AK9: variants seen among roughly 807,000 people sequenced by gnomAD.
The protein encoded by AK9 is adenylate kinase domain containing 1.
A neutral mutation model predicts 239.6 loss-of-function variants in AK9; 191 were observed. The ratio of observed to expected loss-of-function variants is 0.80; its 90% confidence interval spans 0.71 to 0.90. The LOEUF is 0.90. AK9 is among the 40% of genes least tolerant of loss of function. The pLI is 0.00. For synonymous variants in AK9, 689 were observed against 721.0 expected, an observed-to-expected ratio of 0.96 and a Z score of 0.71; for missense variants, 1,995 against 2,214.7, an observed-to-expected ratio of 0.90 and a Z score of 1.99.
chr6:109,634,426 T>A (rs752153738), intron 10 of AK9, among the ~76,000 whole-genome samples: 1 of 152,190 alleles, frequency 6.6e-6, no homozygotes, highest in African/African-American at 2.4e-5. Flanking sequence ...TCTGCGGTAT[T>A]CTGCTATAGC....
intron 10 of AK9, among the ~76,000 whole-genome samples, chr6:109,640,828 C>A (rs375696943): frequency 1.3e-5 from 2 of 152,184 alleles, no homozygotes; most frequent in South Asian, 2.1e-4. Flanking sequence ...TAATCTGATA[C>A]CCATCACATA....
Position 109,684,729 on chromosome 6 carries a change from C to T in AK9, c.-12+6418G>A, listed in dbSNP as rs545727995. Among the ~76,000 whole-genome samples the T allele has an allele frequency of 5.5e-3, 777 of 140,280 alleles. 4 individuals are homozygous for T. The highest frequency in any genetic ancestry group is 9.0e-3 in the Non-Finnish European group (586 of 65,152). The allele number at this position is 140,280 out of a possible 152,430, so 92.0% of individuals were successfully genotyped here. Reference sequence around the variant, plus strand: ...CTCTACTAAAAATACAAAAAATTAGCCGGGCGTAGTGGCGGGCGCCTGTAG... The same window carrying T: ...CTCTACTAAAAATACAAAAAATTAGTCGGGCGTAGTGGCGGGCGCCTGTAG... On this transcript the variant is annotated intron_variant, in intron 1 of 40. Transcript: ENST00000424296.
At chr6:109,515,025 T>A (rs1779132130) in intron 31 of AK9, among the ~76,000 whole-genome samples, 1 of 152,126 alleles carries the variant, frequency 6.6e-6, no homozygotes, top group African/African-American at 2.4e-5. Flanking sequence ...AGATAGAAGG[T>A]GGCCAACTGC....
chr6:109,541,216 G>A (rs1470804670), intron 27 of AK9, among the ~76,000 whole-genome samples: 1 of 151,808 alleles, frequency 6.6e-6, no homozygotes, highest in Non-Finnish European at 1.5e-5. Flanking sequence ...TCACACTATA[G>A]AAAAATGGAA....
At position 109,614,480 on chromosome 6, in the gene AK9, G is replaced by C; in HGVS notation, c.1400C>G (p.Ala467Gly). 1.3e-6 allele frequency: 2 copies of C among 1,550,646 alleles called. No individual in the cohort carries two copies. Among genetic ancestry groups the C allele is most frequent in the Non-Finnish European group, 1.7e-6 (2 of 1,146,468 alleles). The change falls in exon 14 of 41, where the codon GCT becomes GGT. Residue 467 changes from alanine to glycine, a missense_variant and splice_region_variant. Ala to Gly is a moderately conservative substitution (Grantham distance 60, BLOSUM62 0). Transcript: ENST00000424296. ...LLRELQARKQ[A>G]ETALREFQRQ... Reference sequence around the variant, plus strand: ...TTGAAATTCTCTTAAAGCTGTTTCAGCTGAAATATAACAATGGGTGGTGTT... The same window carrying C: ...TTGAAATTCTCTTAAAGCTGTTTCACCTGAAATATAACAATGGGTGGTGTT...
Position 109,497,925 on chromosome 6 carries a change from G to A in AK9, c.5087C>T (p.Ala1696Val), listed in dbSNP as rs1353784152. Residue 1696 changes from alanine to valine, a missense_variant, in exon 37 of 41, where the codon GCA (alanine) becomes GTA (valine). By Grantham distance (64) the Ala-to-Val change is moderately conservative (BLOSUM62 0). Coordinates refer to ENST00000424296, the MANE Select transcript of AK9 (RefSeq NM_001145128.3). ...GTCAGCAGATGGGAGTGGATGAGGT[G>A]CTAAGGGAGGCACGTACAATTCTGG... is the stretch of plus-strand genomic sequence containing the variant. ...ENPELYVPPL[A>V]PHPLPSADMI... The A allele has an allele frequency of 1.2e-6, 2 of 1,614,108 alleles. No individual in the cohort carries two copies. Among genetic ancestry groups the A allele is most frequent in the Non-Finnish European group, 1.7e-6 (2 of 1,179,986 alleles).
chr6:109,496,839 A>G (rs1777085606), intron 38 of AK9, among the ~76,000 whole-genome samples: 1 of 152,136 alleles, frequency 6.6e-6, no homozygotes, highest in African/African-American at 2.4e-5. Context: ...CTGACCCCAG[A>G]GCAAATTTGA....
intron 16 of AK9, 56 bp downstream of exon 16, chr6:109,611,953 CT>C (rs201663130): frequency 3.4e-6 from 4 of 1,164,690 alleles, no homozygotes; most frequent in African/African-American, 1.7e-5. Context: ...GAGGGAACTA[CT>C]TGTGTTTTTT....
At chr6:109,645,017 T>A (rs762228486) in intron 8 of AK9, among the ~76,000 whole-genome samples, 1 of 152,240 alleles carries the variant, frequency 6.6e-6, no homozygotes, top group Non-Finnish European at 1.5e-5. Context: ...AAGCATCTGA[T>A]TAAACTTTAA....
chr6:109,515,935 T>C lies in AK9; in HGVS notation c.3987A>G (p.Ile1329Met), dbSNP rs1220846031. Residue 1329 changes from isoleucine (I) to methionine (M), a missense_variant, in exon 31 of 41, where the codon ATA (isoleucine) becomes ATG (methionine). Ile to Met is a conservative substitution (Grantham distance 10). Transcript: ENST00000424296. ...GCATTTTCTGGGCAAGGGGTGCTGGTATTGGATGACATTTCTCAAAAATGC... is the reference window on the plus strand; with the variant it reads ...GCATTTTCTGGGCAAGGGGTGCTGGCATTGGATGACATTTCTCAAAAATGC... The part of the protein sequence containing the change: ...RASIFEKCHP[I>M]PAPLAQKMLT... 1.3e-6 allele frequency: 2 copies of C among 1,551,656 alleles called. No homozygotes were observed. Among genetic ancestry groups the C allele is most frequent in the Admixed American group, 2.0e-5 (1 of 50,980 alleles).
intron 17 of AK9, among the ~76,000 whole-genome samples, chr6:109,586,332 C>T (rs748690339): frequency 6.6e-6 from 1 of 152,186 alleles, no homozygotes; most frequent in Admixed American, 6.5e-5. Context: ...AGGAGGATTG[C>T]TTGAGCCCAG....
chr6:109,566,438 A>G (rs973910169), intron 21 of AK9, among the ~76,000 whole-genome samples: 8 of 152,316 alleles, frequency 5.3e-5, no homozygotes, highest in South Asian at 4.1e-4. Context: ...AATTTCTTAT[A>G]TAAAGCAGAG....
intron 1 of AK9, among the ~76,000 whole-genome samples, chr6:109,683,514 C>T (rs1005791523): frequency 1.3e-5 from 2 of 152,138 alleles, no homozygotes; most frequent in African/African-American, 4.8e-5. Context: ...TGTCTCAGCC[C>T]AAAATCTCCT....
At chr6:109,626,845 T>C (rs1183615271) in intron 12 of AK9, among the ~76,000 whole-genome samples, 1 of 152,154 alleles carries the variant, frequency 6.6e-6, no homozygotes, top group Non-Finnish European at 1.5e-5. Flanking sequence ...GGTGAGACAG[T>C]GTGTGGTGAG....
intron 17 of AK9, among the ~76,000 whole-genome samples, chr6:109,593,335 C>G (rs192654314): frequency 7.0e-4 from 106 of 152,086 alleles, no homozygotes; most frequent in African/African-American, 2.5e-3. Flanking sequence ...AGTCCCTGAA[C>G]AGACAATAAT....
chr6:109,562,161 T>A (rs970784077), intron 24 of AK9, among the ~76,000 whole-genome samples: 7 of 152,216 alleles, frequency 4.6e-5, no homozygotes, highest in African/African-American at 1.7e-4. Flanking sequence ...GCATTCTGTA[T>A]AATAGGCTGC....
At chr6:109,564,711 G>A (rs1583026083) in intron 22 of AK9, 45 bp downstream of exon 22, 2 of 1,422,812 alleles carry the variant, frequency 1.4e-6, no homozygotes, top group Non-Finnish European at 1.9e-6. Context: ...AAGAAAATAT[G>A]AAAAGTACTT....
chr6:109,678,034 C>T (rs1413789438), intron 1 of AK9, among the ~76,000 whole-genome samples: 1 of 152,178 alleles, frequency 6.6e-6, no homozygotes, highest in Admixed American at 6.5e-5. Context: ...CATGCAACTA[C>T]ATATGACTAG....
At chr6:109,498,033 C>G (rs531961696) in intron 36 of AK9, 68 bp from the exon 37 acceptor site, 123 of 1,512,546 alleles carry the variant, frequency 8.1e-5, no homozygotes, top group Admixed American at 7.0e-4. Context: ...AGAAGGCCAC[C>G]GAGGCTCTCC....
Sources: gnomAD v4.1 joint callset for allele counts (sites outside exome capture counted in the v4.1 genomes callset) on GRCh38, gnomAD v4.1.1 for gene constraint, MANE v1.5 for transcripts, NCBI Gene and HGNC (gene_info 2026-07-23, HGNC 2026-07-21) for gene names.